PHACTR1: variants seen among roughly 807,000 people sequenced by gnomAD.
PHACTR1 encodes RPEL repeat containing 1.
A neutral mutation model predicts 69.2 loss-of-function variants in PHACTR1; 16 were observed. The ratio of observed to expected loss-of-function variants is 0.23; its 90% CI spans 0.16 to 0.35. PHACTR1 has a LOEUF of 0.35. PHACTR1 is among the 10% of genes least tolerant of loss of function. The pLI, the probability that PHACTR1 is intolerant of heterozygous loss-of-function variation, is 1.00. For missense variants in PHACTR1, 510 were observed against 734.7 expected (o/e 0.69, Z 3.54); for synonymous variants, 312 against 284.5 (o/e 1.10, Z -0.97).
At chr6:12,719,885 G>C (rs1352413337) in intron 3 of PHACTR1, among the ~76,000 whole-genome samples, 2 of 152,152 alleles carry the variant, frequency 1.3e-5, no homozygotes, top group African/African-American at 2.4e-5. Flanking sequence ...TCATTTCTCA[G>C]AGCATGACCC....
At chr6:12,763,716 G>T (rs896341457) in intron 4 of PHACTR1, among the ~76,000 whole-genome samples, 1 of 152,096 alleles carries the variant, frequency 6.6e-6, no homozygotes, top group Non-Finnish European at 1.5e-5. Flanking sequence ...AGTAAAAGCT[G>T]TAAACAGCCC....
rs148793374 is a variant in PHACTR1, at chr6:13,273,124, C to T, written c.1447+209C>T. ...TTTATTCCACTTTATTCTTTAGAAG[C>T]TCACGGGCGGCAGGCAGAACCTTCC... On this transcript the variant is annotated intron_variant, in intron 11 of 14. Coordinates refer to ENST00000332995, the MANE Select transcript of PHACTR1 (RefSeq NM_030948.6). 7 of 642,406 alleles carry T rather than the reference C, an allele frequency of 1.1e-5. No homozygotes were observed. In the African/African-American group the frequency reaches 1.3e-4, roughly 12 times the overall value. 39.8% of individuals were successfully genotyped at this position (642,406 alleles called of 1,614,324 possible).
intron 4 of PHACTR1, among the ~76,000 whole-genome samples, chr6:13,038,275 C>G (rs1803632937): frequency 6.6e-6 from 1 of 151,926 alleles, no homozygotes; most frequent in East Asian, 1.9e-4. Context: ...ATGAGAAGAG[C>G]CTTCTGGGCT....
intron 7 of PHACTR1, among the ~76,000 whole-genome samples, chr6:13,198,315 G>A (rs997968665): frequency 5.9e-5 from 9 of 152,140 alleles, no homozygotes; most frequent in Non-Finnish European, 8.8e-5. Flanking sequence ...AGGGAAGCAC[G>A]AGGCCTTGGG....
intron 4 of PHACTR1, among the ~76,000 whole-genome samples, chr6:12,773,172 A>G (rs971175073): frequency 1.3e-5 from 2 of 152,152 alleles, no homozygotes; most frequent in African/African-American, 4.8e-5. Context: ...ATTTTTCTGA[A>G]ATAAAGTTTT....
intron 5 of PHACTR1, among the ~76,000 whole-genome samples, chr6:13,083,237 C>G (rs1277036757): frequency 6.6e-6 from 1 of 152,068 alleles, no homozygotes; most frequent in Non-Finnish European, 1.5e-5. Context: ...TCAGGTTTGT[C>G]AAAGATCAGA....
chr6:12,800,642 A>G (rs9472587), intron 4 of PHACTR1, among the ~76,000 whole-genome samples: 3 of 151,936 alleles, frequency 2.0e-5, no homozygotes, highest in East Asian at 3.9e-4. Flanking sequence ...TCCCAGTACT[A>G]TGGGAGGCCA....
intron 3 of PHACTR1, among the ~76,000 whole-genome samples, chr6:12,738,822 G>A (rs1764664531): frequency 6.6e-6 from 1 of 152,092 alleles, no homozygotes; most frequent in Non-Finnish European, 1.5e-5. Context: ...CCGAGATCAC[G>A]CCACTGCACT....
intron 4 of PHACTR1, among the ~76,000 whole-genome samples, chr6:12,862,213 G>A (rs140270726): frequency 1.7e-4 from 26 of 152,284 alleles, no homozygotes; most frequent in South Asian, 6.2e-4. Flanking sequence ...TCAATATTCC[G>A]TATGAAAACA....
chr6:13,086,083 T>TA (rs776154642), intron 5 of PHACTR1, among the ~76,000 whole-genome samples: 1,972 of 60,126 alleles, frequency 0.033, 36 homozygotes, highest in Admixed American at 0.043. Context: ...TACACATTTC[T>TA]AAAAAAAAAA....
At chr6:12,837,437 T>C (rs1269501294) in intron 4 of PHACTR1, among the ~76,000 whole-genome samples, 1 of 152,180 alleles carries the variant, frequency 6.6e-6, no homozygotes, top group Non-Finnish European at 1.5e-5. Context: ...ATTATCTGCC[T>C]TTCTCCAGGG....
chr6:13,008,726 G>A (rs1298301668), intron 4 of PHACTR1, among the ~76,000 whole-genome samples: 1 of 152,158 alleles, frequency 6.6e-6, no homozygotes, highest in Admixed American at 6.5e-5. Context: ...TTTTAACCTT[G>A]TTCTTAATCT....
At chr6:13,158,221 C>T (rs1758471442) in intron 5 of PHACTR1, among the ~76,000 whole-genome samples, 1 of 152,118 alleles carries the variant, frequency 6.6e-6, no homozygotes, top group African/African-American at 2.4e-5. Context: ...ACTTTCTAAC[C>T]TAACTGCATG....
intron 5 of PHACTR1, among the ~76,000 whole-genome samples, chr6:13,085,888 T>C (rs1398068427): frequency 2.0e-5 from 3 of 151,880 alleles, no homozygotes; most frequent in Non-Finnish European, 4.4e-5. Context: ...TAAAGCAGTA[T>C]GTAGAGGTAA....
chr6:13,115,776 C>G (rs1485642943), intron 5 of PHACTR1, among the ~76,000 whole-genome samples: 2 of 152,146 alleles, frequency 1.3e-5, no homozygotes, highest in African/African-American at 4.8e-5. Context: ...GGGGTGCTTT[C>G]AGTGAGGTTG....
rs546603234 is a variant in PHACTR1, at chr6:13,243,263, G to A, written c.1391+13070G>A. ...AGACCACTTTTTTTTTTTTTTTTGCGAGATGTTCTTTTTTTCTTTTCTACA... is the reference window on the plus strand; with the variant it reads ...AGACCACTTTTTTTTTTTTTTTTGCAAGATGTTCTTTTTTTCTTTTCTACA... On this transcript the variant is annotated intron_variant, in intron 10 of 14. Coordinates refer to ENST00000332995, the MANE Select transcript of PHACTR1 (RefSeq NM_030948.6). 2.1e-5 allele frequency among the ~76,000 whole-genome samples: 3 copies of A among 144,760 alleles called. No homozygotes were observed. In the South Asian group the frequency reaches 6.5e-4, roughly 31 times the overall value. 95.0% of individuals were successfully genotyped at this position (144,760 alleles called of 152,430 possible).
At chr6:12,908,082 T>A (rs1482661538) in intron 4 of PHACTR1, among the ~76,000 whole-genome samples, 1 of 152,236 alleles carries the variant, frequency 6.6e-6, no homozygotes, top group Non-Finnish European at 1.5e-5. Context: ...TTATTCTTTT[T>A]TTGAACAGTT....
chr6:12,738,878 A>C (rs1056547269), intron 3 of PHACTR1, among the ~76,000 whole-genome samples: 1 of 152,206 alleles, frequency 6.6e-6, no homozygotes, highest in Non-Finnish European at 1.5e-5. Flanking sequence ...AAACAAAAAC[A>C]AACAAACAAA....
chr6:12,733,416 A>G (rs1413185577), intron 3 of PHACTR1, among the ~76,000 whole-genome samples: 1 of 152,226 alleles, frequency 6.6e-6, no homozygotes, highest in Non-Finnish European at 1.5e-5. Context: ...AAGAAACTAA[A>G]CCTCAGAATG....
Sources: allele counts gnomAD v4.1 joint callset (sites outside exome capture counted in the v4.1 genomes callset), GRCh38; gene constraint gnomAD v4.1.1; transcripts MANE v1.5; gene names NCBI Gene and HGNC (gene_info 2026-07-23, HGNC 2026-07-21).